Variants in NXPH1 observed in about 807,000 individuals in gnomAD.
NXPH1 encodes neurexophilin-1.
In NXPH1, 5 loss-of-function variants were observed where a neutral mutation model predicts 23.7. The observed-to-expected ratio is 0.21, with a 90% CI of 0.11 to 0.44. The LOEUF (loss-of-function observed/expected upper bound fraction) is 0.44. Ranked by LOEUF, NXPH1 falls within the 20% of genes least tolerant of loss-of-function variation. NXPH1 has a pLI of 0.99. For missense variants in NXPH1, 324 were observed against 321.6 expected (o/e 1.01, Z -0.06); for synonymous variants, 144 against 122.2 (o/e 1.18, Z -1.18).
intron 2 of NXPH1, among the ~76,000 whole-genome samples, chr7:8,470,079 A>G (rs1157021170): frequency 6.6e-6 from 1 of 152,160 alleles, no homozygotes. Flanking sequence ...TGCATGCACT[A>G]CAGGAATCCA....
intron 2 of NXPH1, among the ~76,000 whole-genome samples, chr7:8,696,898 C>T (rs1277352458): frequency 6.7e-6 from 1 of 148,810 alleles, no homozygotes; most frequent in Non-Finnish European, 1.5e-5. Flanking sequence ...TATCCCAGCA[C>T]TTTGGGAGGC....
At chr7:8,511,131 A>G (rs1048552900) in intron 2 of NXPH1, among the ~76,000 whole-genome samples, 2 of 152,150 alleles carry the variant, frequency 1.3e-5, no homozygotes, top group African/African-American at 4.8e-5. Context: ...AATTACAGGC[A>G]AGTCTTCTAA....
intron 2 of NXPH1, among the ~76,000 whole-genome samples, chr7:8,600,791 T>G (rs1819341351): frequency 6.6e-6 from 1 of 152,168 alleles, no homozygotes; most frequent in Non-Finnish European, 1.5e-5. Flanking sequence ...TCCATACAAA[T>G]GCAAACACTT....
intron 2 of NXPH1, among the ~76,000 whole-genome samples, chr7:8,458,269 A>C (rs1816634386): frequency 6.6e-6 from 1 of 152,174 alleles, no homozygotes; most frequent in Non-Finnish European, 1.5e-5. Context: ...AGACCAGATG[A>C]GGAATTTTCT....
intron 2 of NXPH1, among the ~76,000 whole-genome samples, chr7:8,530,880 A>C (rs905936901): frequency 2.0e-5 from 3 of 152,184 alleles, no homozygotes; most frequent in Admixed American, 2.0e-4. Context: ...ATTTGTCTGA[A>C]GGGAGGGGGT....
At chr7:8,627,633 C>T (rs4316061) in intron 2 of NXPH1, among the ~76,000 whole-genome samples, 4,466 of 152,138 alleles carry the variant, frequency 0.029, 203 homozygotes, top group African/African-American at 0.095. Flanking sequence ...GCAGGAGAAC[C>T]TACCATACCG....
At chr7:8,487,630 A>G (rs1459965794) in intron 2 of NXPH1, among the ~76,000 whole-genome samples, 1 of 152,084 alleles carries the variant, frequency 6.6e-6, no homozygotes, top group African/African-American at 2.4e-5. Context: ...GTATCTCTCT[A>G]ATCACTGTAA....
At chr7:8,640,624 T>A (rs911945231) in intron 2 of NXPH1, among the ~76,000 whole-genome samples, 4 of 152,180 alleles carry the variant, frequency 2.6e-5, no homozygotes, top group Non-Finnish European at 5.9e-5. Context: ...ATAATTCTTA[T>A]TCTTTTAGAT....
intron 2 of NXPH1, among the ~76,000 whole-genome samples, chr7:8,647,751 T>G (rs1820418216): frequency 6.6e-6 from 1 of 151,766 alleles, no homozygotes. Flanking sequence ...AGGTTTTTAA[T>G]CACTGATTCA....
rs202049588 is a variant in NXPH1 at position 8,658,989 on chromosome 7, G to GTATA, written c.55-92005_55-92002dup. ...AAAGGGAAAGCTGGCATAAGAATAT[G>GTATA]TATATATATATATATATTTTTTTTT... On this transcript the variant is annotated intron_variant, in intron 2 of 2. Transcript: ENST00000405863. 3.1e-4 allele frequency among the ~76,000 whole-genome samples: 25 copies of GTATA among 80,364 alleles called. 6 individuals carry two copies. Among genetic ancestry groups the GTATA allele is most frequent in the Non-Finnish European group, 4.4e-4 (15 of 34,104 alleles). The allele number at this position is 80,364 out of a possible 152,430, so 52.7% of individuals were successfully genotyped here.
Position 8,508,054 on chromosome 7 carries a change from C to T in NXPH1, c.54+72287C>T, listed in dbSNP as rs1584200359. Reference sequence around the variant, plus strand: ...TATCACTGGTCACCTGGTACCCATCCAATATTCCTGATTTCAAGTTTAGAC... The same window carrying T: ...TATCACTGGTCACCTGGTACCCATCTAATATTCCTGATTTCAAGTTTAGAC... On this transcript the variant is annotated intron_variant, in intron 2 of 2. Transcript: ENST00000405863. Among the ~76,000 whole-genome samples, 3 of 152,184 alleles carry T rather than the reference C, an allele frequency of 2.0e-5. No homozygotes were observed. The South Asian group carries it at 6.2e-4, about 32-fold the overall frequency.
At chr7:8,747,474 A>G (rs1362669757) in intron 2 of NXPH1, among the ~76,000 whole-genome samples, 1 of 152,072 alleles carries the variant, frequency 6.6e-6, no homozygotes, top group Non-Finnish European at 1.5e-5. Flanking sequence ...CTTCTTTGGG[A>G]TAATTTCGTT....
At chr7:8,718,784 G>T (rs1371378009) in intron 2 of NXPH1, among the ~76,000 whole-genome samples, 6 of 152,182 alleles carry the variant, frequency 3.9e-5, no homozygotes, top group Admixed American at 2.0e-4. Flanking sequence ...TCTCTTCTGA[G>T]CTTTGTCATT....
chr7:8,638,165 C>T (rs559042177), intron 2 of NXPH1, among the ~76,000 whole-genome samples: 10 of 152,144 alleles, frequency 6.6e-5, no homozygotes, highest in South Asian at 2.1e-4. Context: ...CAAACAAACA[C>T]GAGCTAGGAA....
At chr7:8,615,337 C>A (rs939370876) in intron 2 of NXPH1, among the ~76,000 whole-genome samples, 1 of 152,156 alleles carries the variant, frequency 6.6e-6, no homozygotes, top group African/African-American at 2.4e-5. Context: ...ATGTAATTAA[C>A]CTCTCTGAGT....
intron 2 of NXPH1, among the ~76,000 whole-genome samples, chr7:8,688,494 A>G (rs776339250): frequency 1.3e-5 from 2 of 152,198 alleles, no homozygotes; most frequent in Non-Finnish European, 2.9e-5. Flanking sequence ...GGCCAAACCA[A>G]TCTTTAGATT....
chr7:8,667,768 C>A (rs1354781321), intron 2 of NXPH1, among the ~76,000 whole-genome samples: 1 of 152,060 alleles, frequency 6.6e-6, no homozygotes, highest in African/African-American at 2.4e-5. Flanking sequence ...TTTGCATAAG[C>A]TTTCCACCTC....
At chr7:8,619,573 T>C (rs1004220406) in intron 2 of NXPH1, among the ~76,000 whole-genome samples, 10 of 152,212 alleles carry the variant, frequency 6.6e-5, no homozygotes, top group African/African-American at 1.7e-4. Context: ...CTGTCAGTTA[T>C]ATTTACATTG....
intron 2 of NXPH1, among the ~76,000 whole-genome samples, chr7:8,629,504 C>T (rs1455780897): frequency 6.6e-6 from 1 of 152,006 alleles, no homozygotes; most frequent in Non-Finnish European, 1.5e-5. Flanking sequence ...AATCTTTGGG[C>T]AGGTTTTCAT....
Sources: allele counts gnomAD v4.1 joint callset (sites outside exome capture counted in the v4.1 genomes callset), GRCh38; gene constraint gnomAD v4.1.1; transcripts MANE v1.5; gene names NCBI Gene and HGNC (gene_info 2026-07-23, HGNC 2026-07-21).